SSPN: variants seen among roughly 807,000 people sequenced by gnomAD.
SSPN encodes sarcospan.
A neutral mutation model predicts 19.1 loss-of-function variants in SSPN; 15 were observed. The ratio of observed to expected loss-of-function variants is 0.78; its 90% CI spans 0.52 to 1.21. SSPN has a LOEUF of 1.21. Ranked by LOEUF, SSPN falls within the 50% of genes most tolerant of loss-of-function variation. The pLI is 0.00. For synonymous variants in SSPN, 147 were observed against 140.3 expected (o/e 1.05, Z -0.34); for missense variants, 291 against 314.0 (o/e 0.93, Z 0.55).
intron 2 of SSPN, among the ~76,000 whole-genome samples, chr12:26,229,025 G>A (rs1026889355): frequency 3.9e-5 from 6 of 152,018 alleles, no homozygotes; most frequent in Non-Finnish European, 7.4e-5. Flanking sequence ...TATATATCTG[G>A]TTCCCTTCCT....
intron 1 of SSPN, among the ~76,000 whole-genome samples, chr12:26,138,085 G>A (rs1288801933): frequency 6.6e-6 from 1 of 152,056 alleles, no homozygotes; most frequent in Non-Finnish European, 1.5e-5. Flanking sequence ...ATAAAGCATA[G>A]CATTTGCTTA....
chr12:26,149,704 G>A (rs909781540), intron 1 of SSPN, among the ~76,000 whole-genome samples: 5 of 152,180 alleles, frequency 3.3e-5, no homozygotes, highest in Non-Finnish European at 7.3e-5. Context: ...TAATACCTTG[G>A]AAATAGTCTG....
rs187977972 is a variant in SSPN, at chr12:26,142,347, G to T, written c.-31+20195G>T. On this transcript the variant is annotated intron_variant, in intron 1 of 2. Coordinates refer to the SSPN transcript ENST00000538142. Reference sequence around the variant, plus strand: ...CCATTTTCAAGATGAAAGGTTGTAGGACAGTAACAGTGAAAATGGAGAATG... The same window carrying T: ...CCATTTTCAAGATGAAAGGTTGTAGTACAGTAACAGTGAAAATGGAGAATG... Among the ~76,000 whole-genome samples the T allele has an allele frequency of 9.7e-4, 148 of 152,268 alleles. 2 individuals carry two copies. Among genetic ancestry groups the T allele is most frequent in the East Asian group, 7.5e-3 (39 of 5,186 alleles).
chr12:26,226,332 G>A (rs1380854206), intron 2 of SSPN, among the ~76,000 whole-genome samples: 3 of 152,070 alleles, frequency 2.0e-5, no homozygotes, highest in Non-Finnish European at 4.4e-5. Flanking sequence ...CCGCATTTTG[G>A]TGCCCCCATC....
Position 26,152,103 on chromosome 12 carries a change from T to G in SSPN, c.-31+29951T>G, listed in dbSNP as rs969273529. On this transcript the variant is annotated intron_variant, in intron 1 of 2. Transcript: ENST00000538142. ...TATTGACATTTCCCTCATCATTTTC[T>G]TCATTCTAGGCAATCAACAAAACAG... 3.9e-5 allele frequency among the ~76,000 whole-genome samples: 6 copies of G among 152,336 alleles called. No homozygotes were observed. The South Asian group carries it at 1.2e-3, about 32-fold the overall frequency.
intron 1 of SSPN, among the ~76,000 whole-genome samples, chr12:26,207,109 G>A: frequency 6.6e-6 from 1 of 152,194 alleles, no homozygotes. Context: ...AGGAGAGGGG[G>A]TCTGAAATTT....
At chr12:26,163,991 G>C (rs1002712035) in intron 1 of SSPN, among the ~76,000 whole-genome samples, 1 of 152,164 alleles carries the variant, frequency 6.6e-6, no homozygotes, top group African/African-American at 2.4e-5. Context: ...TATATCATTT[G>C]AATGTTTATC....
At chr12:26,223,632 C>T (rs888236165) in intron 1 of SSPN, among the ~76,000 whole-genome samples, 2 of 152,142 alleles carry the variant, frequency 1.3e-5, no homozygotes, top group African/African-American at 2.4e-5. Flanking sequence ...GATTTGAATC[C>T]GGGTTCCAAA....
At chr12:26,167,699 C>T (rs1164987944) in intron 1 of SSPN, among the ~76,000 whole-genome samples, 1 of 152,156 alleles carries the variant, frequency 6.6e-6, no homozygotes, top group Non-Finnish European at 1.5e-5. Flanking sequence ...ATTCCATGTC[C>T]TTCATGTGAC....
intron 1 of SSPN, among the ~76,000 whole-genome samples, chr12:26,151,544 A>G (rs1470094137): frequency 1.3e-5 from 2 of 152,178 alleles, no homozygotes; most frequent in African/African-American, 4.8e-5. Flanking sequence ...TTCAACACTA[A>G]ATACCTAGTG....
intron 1 of SSPN, among the ~76,000 whole-genome samples, chr12:26,172,981 C>A (rs1481265064): frequency 6.6e-6 from 1 of 152,088 alleles, no homozygotes; most frequent in African/African-American, 2.4e-5. Context: ...AGAGTAAAGA[C>A]AATTTTTTAA....
intron 1 of SSPN, 117 bp from the exon 2 acceptor site, chr12:26,224,176 A>G (rs1367818025): frequency 8.3e-6 from 6 of 719,276 alleles, no homozygotes; most frequent in Non-Finnish European, 1.5e-5. Context: ...AAAGATAAGT[A>G]AAAGAAACGG....
At chr12:26,183,218 G>T (rs985693865) in intron 1 of SSPN, among the ~76,000 whole-genome samples, 7 of 152,168 alleles carry the variant, frequency 4.6e-5, no homozygotes, top group African/African-American at 1.7e-4. Flanking sequence ...CCGCATTTAT[G>T]ATAACCCCTT....
At chr12:26,135,976 A>G (rs1944422799) in intron 1 of SSPN, among the ~76,000 whole-genome samples, 1 of 152,190 alleles carries the variant, frequency 6.6e-6, no homozygotes, top group African/African-American at 2.4e-5. Flanking sequence ...TCCTTGTTTC[A>G]TATTACAGTC....
chr12:26,156,335 T>C (rs1396097788), intron 1 of SSPN, among the ~76,000 whole-genome samples: 1 of 152,068 alleles, frequency 6.6e-6, no homozygotes, highest in East Asian at 1.9e-4. Flanking sequence ...CATTCGAACT[T>C]GGGAAAGGAA....
intron 1 of SSPN, among the ~76,000 whole-genome samples, chr12:26,222,041 T>C (rs947064383): frequency 6.6e-6 from 1 of 152,200 alleles, no homozygotes; most frequent in Non-Finnish European, 1.5e-5. Context: ...AGGGGCTACA[T>C]GAATAACTTC....
intron 1 of SSPN, among the ~76,000 whole-genome samples, chr12:26,145,569 G>A (rs1330896732): frequency 1.3e-5 from 2 of 152,202 alleles, no homozygotes; most frequent in Non-Finnish European, 2.9e-5. Context: ...CTCATACAGA[G>A]CCTCTGCCAC....
At chr12:26,126,699 A>G (rs913918180) in intron 1 of SSPN, 1 of 152,056 alleles carries the variant, frequency 6.6e-6, no homozygotes, top group Non-Finnish European at 1.5e-5. Flanking sequence ...GGAGACGCGC[A>G]CTGCGTCTGG....
chr12:26,143,727 T>C (rs1944473564), intron 1 of SSPN, among the ~76,000 whole-genome samples: 1 of 152,244 alleles, frequency 6.6e-6, no homozygotes, highest in African/African-American at 2.4e-5. Flanking sequence ...ATTTTTGTGA[T>C]GTACCTTAAA....
Sources: allele counts gnomAD v4.1 joint callset (sites outside exome capture counted in the v4.1 genomes callset), GRCh38; gene constraint gnomAD v4.1.1; transcripts MANE v1.5; gene names NCBI Gene and HGNC (gene_info 2026-07-23, HGNC 2026-07-21).